FSHR: variants seen among roughly 807,000 people sequenced by gnomAD.
The protein encoded by FSHR is follicle stimulating hormone receptor.
In FSHR, 46 loss-of-function variants were observed where a neutral mutation model predicts 52.1. The ratio of observed to expected loss-of-function variants is 0.88; its 90% CI spans 0.70 to 1.13. FSHR has a LOEUF of 1.13. Ranked by LOEUF, FSHR falls within the 50% of genes most tolerant of loss-of-function variation. FSHR has a pLI of 0.00. For synonymous variants in FSHR, 399 were observed against 309.6 expected, an observed-to-expected ratio of 1.29 and a Z score of -3.03; for missense variants, 964 against 834.6, an observed-to-expected ratio of 1.16 and a Z score of -1.91.
At chr2:49,033,422 C>CTTTT (rs1668171277) in intron 2 of FSHR, among the ~76,000 whole-genome samples, 1 of 152,068 alleles carries the variant, frequency 6.6e-6, no homozygotes, top group Non-Finnish European at 1.5e-5. Flanking sequence ...TCTTCTAGCA[C>CTTTT]CTAAATGCTG....
chr2:49,132,968 T>TAAAAAAAAAAAAAAAAAAAAAAAAAAAA (rs34913428), intron 1 of FSHR, among the ~76,000 whole-genome samples: 8 of 48,650 alleles, frequency 1.6e-4, no homozygotes, highest in African/African-American at 6.8e-4. Flanking sequence ...TAAAACTCAG[T>TAAAAAAAAAAAAAAAAAAAAAAAAAAAA]AAAAAAAAAA....
intron 1 of FSHR, among the ~76,000 whole-genome samples, chr2:49,081,382 T>C (rs1428735759): frequency 1.3e-5 from 2 of 152,128 alleles, no homozygotes; most frequent in South Asian, 4.1e-4. Context: ...TATGACCAAG[T>C]GTTAAGATTT....
At chr2:49,011,631 G>A (rs1053364945) in intron 4 of FSHR, among the ~76,000 whole-genome samples, 2 of 151,908 alleles carry the variant, frequency 1.3e-5, no homozygotes, top group Non-Finnish European at 2.9e-5. Flanking sequence ...GTTTTAACTC[G>A]ATGAACACAA....
chr2:49,140,790 A>G (rs2103836120), intron 1 of FSHR, among the ~76,000 whole-genome samples: 1 of 152,222 alleles, frequency 6.6e-6, no homozygotes. Context: ...ATAGATCAAT[A>G]ATTTTTTTTT....
chr2:48,982,809 A>G (rs1675311295), intron 8 of FSHR, 103 bp downstream of exon 8: 5 of 1,015,402 alleles, frequency 4.9e-6, no homozygotes, highest in Non-Finnish European at 7.8e-6. Context: ...ATTGAACTTG[A>G]TGGCCAGCCC....
intron 2 of FSHR, among the ~76,000 whole-genome samples, chr2:49,062,902 G>C (rs1458312866): frequency 6.6e-6 from 1 of 151,854 alleles, no homozygotes; most frequent in Non-Finnish European, 1.5e-5. Flanking sequence ...AAAAACAACA[G>C]AAACCCACCC....
intron 1 of FSHR, among the ~76,000 whole-genome samples, chr2:49,115,771 G>A (rs1671575750): frequency 6.6e-6 from 1 of 152,094 alleles, no homozygotes. Flanking sequence ...GACTGATGAA[G>A]GTCCAGTTAT....
intron 1 of FSHR, among the ~76,000 whole-genome samples, chr2:49,111,448 T>G (rs1014854062): frequency 6.6e-6 from 1 of 152,198 alleles, no homozygotes; most frequent in African/African-American, 2.4e-5. Flanking sequence ...AGCTGGTCAC[T>G]TCATTTCTCC....
chr2:49,047,463 G>A (rs1385438875), intron 2 of FSHR, among the ~76,000 whole-genome samples: 4 of 152,184 alleles, frequency 2.6e-5, no homozygotes, highest in Non-Finnish European at 4.4e-5. Flanking sequence ...CTTACAGCAC[G>A]ATCACCCTGC....
chr2:48,985,114 G>A (rs540381087), intron 6 of FSHR, among the ~76,000 whole-genome samples: 78 of 9,864 alleles, frequency 7.9e-3, no homozygotes, highest in African/African-American at 0.028. Flanking sequence ...AGATGATGAC[G>A]ATGATGACGA....
intron 2 of FSHR, among the ~76,000 whole-genome samples, chr2:49,020,554 C>T (rs919437931): frequency 2.0e-5 from 3 of 150,410 alleles, no homozygotes; most frequent in Non-Finnish European, 4.4e-5. Context: ...CTTTTTTGCC[C>T]TTGCTGTGGT....
intron 2 of FSHR, among the ~76,000 whole-genome samples, chr2:49,021,886 T>TATATATATATATATATATAAAGAGAG (rs1273265515): frequency 4.0e-5 from 1 of 25,124 alleles, no homozygotes; most frequent in African/African-American, 1.5e-4. Flanking sequence ...TATATATATA[T>TATATATATATATATATATAAAGAGAG]AGAGAGAGAG....
chr2:48,996,918 G>A (rs7423208), intron 4 of FSHR, among the ~76,000 whole-genome samples: 16,652 of 152,162 alleles, frequency 0.11, 1,150 homozygotes, highest in East Asian at 0.28. Context: ...TATGAGGCTT[G>A]CTAATATTGA....
intron 1 of FSHR, among the ~76,000 whole-genome samples, chr2:49,085,338 C>T (rs890346113): frequency 1.4e-3 from 214 of 152,288 alleles, no homozygotes; most frequent in Non-Finnish European, 2.2e-3. Context: ...ATTGATGGGA[C>T]GTATCTCAAA....
intron 4 of FSHR, among the ~76,000 whole-genome samples, chr2:49,005,085 A>G (rs1667031447): frequency 6.6e-6 from 1 of 152,154 alleles, no homozygotes; most frequent in Non-Finnish European, 1.5e-5. Context: ...AAAGGAGAAT[A>G]TCAGAGTCTG....
intron 4 of FSHR, among the ~76,000 whole-genome samples, chr2:48,995,855 T>G (rs1470379511): frequency 1.3e-5 from 2 of 152,088 alleles, no homozygotes; most frequent in Non-Finnish European, 2.9e-5. Context: ...ACATTTTTTT[T>G]TACCTCTGTT....
chr2:48,985,016 G>A (rs1332733597), intron 6 of FSHR, among the ~76,000 whole-genome samples: 5 of 152,090 alleles, frequency 3.3e-5, no homozygotes, highest in Non-Finnish European at 7.4e-5. Context: ...CGTTATCTGT[G>A]GGAATCTCAA....
At chr2:48,968,125 C>T (rs560853721) in intron 9 of FSHR, among the ~76,000 whole-genome samples, 6 of 152,274 alleles carry the variant, frequency 3.9e-5, no homozygotes, top group Admixed American at 6.5e-5. Flanking sequence ...TTAGATGGCC[C>T]TCTTTAAGTC....
In FSHR at chr2:49,016,389, A is replaced by G. The variant is rs556466161; in HGVS notation, c.374+1100T>C. Reference sequence around the variant, plus strand: ...TGAATTGTTTTGGTTAATAGAATGCATCAGAAGAGATAGTGTGCTAGTTCA... The same window carrying G: ...TGAATTGTTTTGGTTAATAGAATGCGTCAGAAGAGATAGTGTGCTAGTTCA... On this transcript the variant is annotated intron_variant, in intron 4 of 9. Transcript: ENST00000406846. Among the ~76,000 whole-genome samples, 70 of 152,300 alleles carry G rather than the reference A, an allele frequency of 4.6e-4. 1 individual carries two copies. Among genetic ancestry groups the G allele is most frequent in the Admixed American group, 2.7e-3 (42 of 15,292 alleles).
Sources: allele counts gnomAD v4.1 joint callset (sites outside exome capture counted in the v4.1 genomes callset), GRCh38; gene constraint gnomAD v4.1.1; transcripts MANE v1.5; gene names NCBI Gene and HGNC (gene_info 2026-07-23, HGNC 2026-07-21).